MBNL2: variants seen among roughly 807,000 people sequenced by gnomAD.
MBNL2 encodes the protein muscleblind-like protein 2.
A neutral mutation model predicts 41.9 loss-of-function variants in MBNL2; 17 were observed. The ratio of observed to expected loss-of-function variants is 0.41; its 90% CI spans 0.28 to 0.61. The LOEUF (loss-of-function observed/expected upper bound fraction) is 0.61. MBNL2 is among the 20% of genes least tolerant of loss of function. The pLI is 0.35. For synonymous variants in MBNL2, 195 were observed against 182.9 expected, an observed-to-expected ratio of 1.07 and a Z score of -0.53; for missense variants, 336 against 505.6, an observed-to-expected ratio of 0.66 and a Z score of 3.22.
chr13:97,261,324 C>T (rs563926334), intron 1 of MBNL2, among the ~76,000 whole-genome samples: 1 of 152,184 alleles, frequency 6.6e-6, no homozygotes, highest in African/African-American at 2.4e-5. Context: ...AGAAATTTAA[C>T]GATACACTCA....
chr13:97,384,012 G>C (rs1166518839), intron 8 of MBNL2, among the ~76,000 whole-genome samples: 16 of 151,266 alleles, frequency 1.1e-4, no homozygotes, highest in Admixed American at 1.1e-3. Context: ...TGATTCTCCT[G>C]CCTCAACCTC....
chr13:97,225,506 G>T (rs1185637795), intron 1 of MBNL2, among the ~76,000 whole-genome samples: 2 of 152,104 alleles, frequency 1.3e-5, no homozygotes, highest in Non-Finnish European at 2.9e-5. Context: ...AGTTTTGGGG[G>T]CCTTTACCAT....
chr13:97,186,358 A>C, the MBNL2 span, among the ~76,000 whole-genome samples: 1 of 152,140 alleles, frequency 6.6e-6, no homozygotes, highest in Non-Finnish European at 1.5e-5. Flanking sequence ...CAAGCCTCAG[A>C]GTTCCATTAG....
intron 8 of MBNL2, among the ~76,000 whole-genome samples, chr13:97,378,645 A>G (rs565669174): frequency 6.6e-6 from 1 of 152,230 alleles, no homozygotes; most frequent in Non-Finnish European, 1.5e-5. Context: ...GCTCATATTT[A>G]AGAATCTTAA....
At chr13:97,300,984 G>T (rs1374459466) in intron 2 of MBNL2, among the ~76,000 whole-genome samples, 1 of 152,194 alleles carries the variant, frequency 6.6e-6, no homozygotes, top group Non-Finnish European at 1.5e-5. Context: ...AACATCTGTT[G>T]AATTAGCCAA....
chr13:97,344,329 G>A (rs909582467), intron 4 of MBNL2, among the ~76,000 whole-genome samples: 1 of 152,190 alleles, frequency 6.6e-6, no homozygotes, highest in Non-Finnish European at 1.5e-5. Context: ...TTTCATAAGG[G>A]TGTATAAAGA....
At chr13:97,155,392 T>A in the MBNL2 span, among the ~76,000 whole-genome samples, 1 of 151,076 alleles carries the variant, frequency 6.6e-6, no homozygotes, top group East Asian at 1.9e-4. Flanking sequence ...TTTTTTTTTT[T>A]TATTTTTTTT....
At chr13:97,156,730 G>T in the MBNL2 span, among the ~76,000 whole-genome samples, 261 of 150,484 alleles carry the variant, frequency 1.7e-3, 6 homozygotes, top group East Asian at 0.048. Context: ...ATTTCTGAGG[G>T]CTCTGTTCTG....
chr13:97,349,727 C>T (rs762404208), intron 5 of MBNL2, among the ~76,000 whole-genome samples: 9 of 152,220 alleles, frequency 5.9e-5, no homozygotes, highest in East Asian at 3.9e-4. Context: ...GACTCAGGAA[C>T]GCCTGGGTTC....
At chr13:97,295,219 A>G (rs2056832154) in intron 2 of MBNL2, among the ~76,000 whole-genome samples, 1 of 152,188 alleles carries the variant, frequency 6.6e-6, no homozygotes, top group Non-Finnish European at 1.5e-5. Flanking sequence ...TTTGTTCAAT[A>G]TGAGGAAGAA....
intron 5 of MBNL2, among the ~76,000 whole-genome samples, chr13:97,350,155 C>T (rs2062305589): frequency 6.6e-6 from 1 of 152,128 alleles, no homozygotes; most frequent in Non-Finnish European, 1.5e-5. Flanking sequence ...TTTTTGGTTT[C>T]CCAGTGCATA....
the MBNL2 span, among the ~76,000 whole-genome samples, chr13:97,213,768 A>C: frequency 6.6e-6 from 1 of 152,218 alleles, no homozygotes; most frequent in African/African-American, 2.4e-5. Flanking sequence ...GTGATCCTAA[A>C]ATAAACAGAA....
At chr13:97,301,697 C>T (rs2057639222) in intron 2 of MBNL2, among the ~76,000 whole-genome samples, 2 of 152,186 alleles carry the variant, frequency 1.3e-5, no homozygotes, top group Admixed American at 1.3e-4. Flanking sequence ...GGGAAAGAAA[C>T]CCCACAAGTC....
chr13:97,325,161 T>C (rs979877961), intron 2 of MBNL2, among the ~76,000 whole-genome samples: 4 of 152,306 alleles, frequency 2.6e-5, no homozygotes, highest in East Asian at 1.9e-4. Flanking sequence ...TCAGAAGACA[T>C]TGATATTCTC....
the MBNL2 span, among the ~76,000 whole-genome samples, chr13:97,195,827 G>C: frequency 6.6e-6 from 1 of 151,976 alleles, no homozygotes; most frequent in South Asian, 2.1e-4. Flanking sequence ...TTTTAATTAC[G>C]AGAGCCTCAT....
chr13:97,225,414 G>A (rs571333002), intron 1 of MBNL2, among the ~76,000 whole-genome samples: 2 of 152,268 alleles, frequency 1.3e-5, no homozygotes, highest in East Asian at 1.9e-4. Context: ...CATAGAAATA[G>A]GTTGGCAACA....
intron 1 of MBNL2, among the ~76,000 whole-genome samples, chr13:97,254,461 T>C (rs1024943257): frequency 3.9e-5 from 6 of 152,226 alleles, no homozygotes; most frequent in African/African-American, 1.4e-4. Flanking sequence ...ATTTTGACTG[T>C]GAAAGTTTCA....
intron 2 of MBNL2, among the ~76,000 whole-genome samples, chr13:97,309,891 G>A (rs958959734): frequency 5.9e-5 from 9 of 152,228 alleles, no homozygotes; most frequent in African/African-American, 2.2e-4. Flanking sequence ...AAGAGTAGAA[G>A]TTCTTTCCCT....
intron 8 of MBNL2, among the ~76,000 whole-genome samples, chr13:97,368,591 A>G (rs1359945860): frequency 6.6e-6 from 1 of 152,054 alleles, no homozygotes; most frequent in Non-Finnish European, 1.5e-5. Context: ...ATTTTAGCAT[A>G]ATAAATATTT....
Sources: allele counts gnomAD v4.1 joint callset (sites outside exome capture counted in the v4.1 genomes callset), GRCh38; gene constraint gnomAD v4.1.1; transcripts MANE v1.5; gene names NCBI Gene and HGNC (gene_info 2026-07-23, HGNC 2026-07-21).